Variants in GNB1 observed in about 807,000 individuals in gnomAD.
GNB1 encodes the protein guanine nucleotide-binding protein G(I)/G(S)/G(T) subunit beta-1.
In GNB1, 2 loss-of-function variants were observed where a neutral mutation model predicts 42.9. The ratio of observed to expected loss-of-function variants is 0.05; its 90% confidence interval spans 0.02 to 0.15. GNB1 has a LOEUF of 0.15. Ranked by LOEUF, GNB1 falls within the 10% of genes least tolerant of loss-of-function variation. The pLI, the probability that GNB1 is intolerant of heterozygous loss-of-function variation, is 1.00. For missense variants in GNB1, 193 were observed against 462.2 expected (o/e 0.42, Z 5.34); for synonymous variants, 183 against 174.7 (o/e 1.05, Z -0.38).
intron 1 of GNB1, among the ~76,000 whole-genome samples, chr1:1,850,517 T>C (rs1009683078): frequency 1.3e-5 from 2 of 152,086 alleles, no homozygotes; most frequent in African/African-American, 2.4e-5. Context: ...TCACTGATTC[T>C]TTCCTATCTG....
At chr1:1,830,321 C>T (rs540774418) in intron 2 of GNB1, among the ~76,000 whole-genome samples, 150 of 150,738 alleles carry the variant, frequency 1.0e-3, no homozygotes, top group African/African-American at 3.3e-3. Context: ...AGTGCAGTGG[C>T]GCGATCTCAG....
At chr1:1,806,447 T>G (rs1274767731) in intron 6 of GNB1, 28 bp downstream of exon 6, 1 of 1,480,760 alleles carries the variant, frequency 6.8e-7, no homozygotes, top group South Asian at 1.1e-5. Context: ...GGTTGGTTTT[T>G]CAAGGAAGGG....
At chr1:1,886,221 G>C (rs555200598) in intron 1 of GNB1, among the ~76,000 whole-genome samples, 1 of 152,262 alleles carries the variant, frequency 6.6e-6, no homozygotes, top group South Asian at 2.1e-4. Context: ...GGGAGGCTGA[G>C]ACTGGAGAAT....
intron 1 of GNB1, among the ~76,000 whole-genome samples, chr1:1,854,733 G>A (rs57662477): frequency 0.024 from 3,624 of 152,202 alleles, 137 homozygotes; most frequent in African/African-American, 0.082. Flanking sequence ...ATAGTAAGAC[G>A]TCATGTCTTT....
chr1:1,787,079 T>C lies in GNB1; in HGVS notation c.*10-26A>G, dbSNP rs571777560. 92 of 366,472 alleles carry C rather than the reference T, an allele frequency of 2.5e-4. No individual in the cohort carries two copies. The highest frequency in any genetic ancestry group is 1.8e-3 in the African/African-American group (84 of 47,502). 22.7% of individuals were successfully genotyped at this position (366,472 alleles called of 1,614,324 possible). A position where few individuals can be genotyped will look rare whatever the true frequency, so the allele number is the denominator to read the frequency against. ...CTGTTTTAAACAGAGTTTAAAGAAA[T>C]GTGAAAAGAGGCAGAGAATCTAAGT... is the stretch of plus-strand genomic sequence containing the variant. On this transcript the variant is annotated intron_variant, in intron 11 of 11. Coordinates refer to ENST00000378609, the MANE Select transcript of GNB1 (RefSeq NM_002074.5). The surrounding 1 kb of genome is among the most constrained non-coding windows in gnomAD (Gnocchi z 4.4).
intron 1 of GNB1, among the ~76,000 whole-genome samples, chr1:1,890,599 C>G (rs943428491): frequency 6.7e-6 from 1 of 148,782 alleles, no homozygotes; most frequent in African/African-American, 2.4e-5. Context: ...GGCCTGGGAC[C>G]CCGGCTCCTC....
chr1:1,873,790 C>T (rs1162249465), intron 1 of GNB1, among the ~76,000 whole-genome samples: 1 of 152,152 alleles, frequency 6.6e-6, no homozygotes, highest in Non-Finnish European at 1.5e-5. Flanking sequence ...TGCACTCCAG[C>T]CTGGGCGACA....
chr1:1,855,190 G>A (rs1254075384), intron 1 of GNB1, among the ~76,000 whole-genome samples: 2 of 149,942 alleles, frequency 1.3e-5, no homozygotes, highest in African/African-American at 2.5e-5. Context: ...GTGTGGTGGT[G>A]GATACCTGTA....
intron 3 of GNB1, among the ~76,000 whole-genome samples, chr1:1,824,557 C>T (rs187758421): frequency 3.9e-5 from 6 of 152,068 alleles, no homozygotes; most frequent in African/African-American, 9.6e-5. Context: ...TATTTACACA[C>T]GGTAAATAAA....
Position 1,828,894 on chromosome 1 carries a change from TACAC to T in GNB1, c.-46-3399_-46-3396del, listed in dbSNP as rs71578341. ...CTGTGTACACACACACATACACACATACACACACACACACACACAATTTTTGTTA... is the reference window on the plus strand; with the variant it reads ...CTGTGTACACACACACATACACACATACACACACACACACAATTTTTGTTA... On this transcript the variant is annotated intron_variant, in intron 2 of 11. Coordinates refer to ENST00000378609, the MANE Select transcript of GNB1 (RefSeq NM_002074.5). 3.5e-3 allele frequency among the ~76,000 whole-genome samples: 531 copies of T among 149,838 alleles called. 1 individual carries two copies. The highest frequency in any genetic ancestry group is 0.013 in the African/African-American group (514 of 40,804).
At chr1:1,854,775 G>A (rs1368089629) in intron 1 of GNB1, among the ~76,000 whole-genome samples, 4 of 152,180 alleles carry the variant, frequency 2.6e-5, no homozygotes, top group Non-Finnish European at 2.9e-5. Context: ...GCTCACACCC[G>A]TAATCCCCGC....
chr1:1,824,020 A>G (rs559572139), intron 3 of GNB1, among the ~76,000 whole-genome samples: 1 of 152,248 alleles, frequency 6.6e-6, no homozygotes, highest in African/African-American at 2.4e-5. Flanking sequence ...TACCCAGCTT[A>G]TAAACTGTTA....
chr1:1,853,662 C>A (rs1408985585), intron 1 of GNB1, among the ~76,000 whole-genome samples: 1 of 152,058 alleles, frequency 6.6e-6, no homozygotes, highest in African/African-American at 2.4e-5. Flanking sequence ...TCTAAATCAT[C>A]TGTGATTTAG....
At chr1:1,846,672 C>T (rs1647686401) in intron 1 of GNB1, among the ~76,000 whole-genome samples, 2 of 152,144 alleles carry the variant, frequency 1.3e-5, no homozygotes, top group East Asian at 3.9e-4. Context: ...ATCCTCTTGC[C>T]TCAGCCCCCT....
intron 1 of GNB1, among the ~76,000 whole-genome samples, chr1:1,855,471 G>C (rs2101581479): frequency 1.3e-5 from 2 of 152,314 alleles, no homozygotes; most frequent in South Asian, 4.1e-4. Flanking sequence ...GGAGGCCGAG[G>C]CGGGCGGATC....
At chr1:1,864,712 C>T (rs1331372291) in intron 1 of GNB1, among the ~76,000 whole-genome samples, 1 of 152,198 alleles carries the variant, frequency 6.6e-6, no homozygotes, top group Non-Finnish European at 1.5e-5. Flanking sequence ...CTAGTTTGTA[C>T]TCTGAGTAAA....
At chr1:1,851,176 C>T (rs1438011411) in intron 1 of GNB1, among the ~76,000 whole-genome samples, 2 of 152,018 alleles carry the variant, frequency 1.3e-5, no homozygotes, top group Admixed American at 6.6e-5. Flanking sequence ...TTTGGGAGGC[C>T]GAGACGTGTG....
intron 7 of GNB1, among the ~76,000 whole-genome samples, chr1:1,794,855 A>G (rs536258338): frequency 7.9e-5 from 12 of 152,176 alleles, no homozygotes; most frequent in African/African-American, 2.9e-4. Flanking sequence ...ACACACAGCT[A>G]ATTTTTGTAT....
chr1:1,888,949 T>C (rs905549310), intron 1 of GNB1, among the ~76,000 whole-genome samples: 2 of 152,098 alleles, frequency 1.3e-5, no homozygotes, highest in Admixed American at 6.6e-5. Context: ...ACCACCTCCA[T>C]CCCCAGCCTC....
Sources: gnomAD v4.1 joint callset for allele counts (sites outside exome capture counted in the v4.1 genomes callset) on GRCh38, gnomAD v4.1.1 for gene constraint, Gnocchi (gnomAD v3.1) non-coding constraint, MANE v1.5 for transcripts, NCBI Gene and HGNC (gene_info 2026-07-23, HGNC 2026-07-21) for gene names.